Variants in ADAM29 observed in about 807,000 individuals in gnomAD.
ADAM29 encodes the protein disintegrin and metalloproteinase domain-containing protein 29.
For missense variants in ADAM29, 969 were observed against 1,001.8 expected (o/e 0.97, Z 0.44); for synonymous variants, 367 against 342.3 (o/e 1.07, Z -0.80).
chr4:174,930,474 T>A (rs544260979), intron 2 of ADAM29, among the ~76,000 whole-genome samples: 34 of 152,280 alleles, frequency 2.2e-4, no homozygotes, highest in African/African-American at 8.2e-4. Flanking sequence ...AATGGATGAG[T>A]AATAATAATT....
chr4:174,972,679 G>A (rs1213068718), intron 4 of ADAM29, among the ~76,000 whole-genome samples: 1 of 152,126 alleles, frequency 6.6e-6, no homozygotes, highest in Non-Finnish European at 1.5e-5. Context: ...TATCTATGGT[G>A]TCCACCAGCA....
chr4:174,965,662 G>A (rs1432566048), intron 4 of ADAM29, among the ~76,000 whole-genome samples: 1 of 152,066 alleles, frequency 6.6e-6, no homozygotes, highest in African/African-American at 2.4e-5. Context: ...TGTCTGATGA[G>A]AGCCCTCTTT....
At chr4:174,957,773 T>C (rs957420458) in intron 4 of ADAM29, among the ~76,000 whole-genome samples, 3 of 151,836 alleles carry the variant, frequency 2.0e-5, no homozygotes, top group African/African-American at 7.2e-5. Context: ...TGAATCTATC[T>C]TTCTAAAAAT....
intron 4 of ADAM29, among the ~76,000 whole-genome samples, chr4:174,970,595 C>A (rs1158942502): frequency 2.0e-5 from 3 of 152,176 alleles, no homozygotes; most frequent in Non-Finnish European, 2.9e-5. Flanking sequence ...CAATGAAACT[C>A]ATTTTAGCCT....
intron 4 of ADAM29, among the ~76,000 whole-genome samples, chr4:174,970,901 C>T (rs1387033609): frequency 6.6e-6 from 1 of 151,590 alleles, no homozygotes; most frequent in Non-Finnish European, 1.5e-5. Flanking sequence ...TTTTGTTTGT[C>T]TTTATTTTAA....
At position 174,934,278 on chromosome 4, in the gene ADAM29, T is replaced by C. The variant is rs201578070; in HGVS notation, c.-261-2655T>C. On this transcript the variant is annotated intron_variant, in intron 3 of 4. Transcript: ENST00000359240. ...TTTTAAGTATCATTAGTGAACTAATTATGAAGTTTATTACCTTATATTTCT... is the reference window on the plus strand; with the variant it reads ...TTTTAAGTATCATTAGTGAACTAATCATGAAGTTTATTACCTTATATTTCT... 2.2e-4 allele frequency among the ~76,000 whole-genome samples: 34 copies of C among 152,288 alleles called. 1 individual carries two copies. The East Asian group carries it at 6.4e-3, about 29-fold the overall frequency.
At chr4:174,944,662 T>A (rs1744738848) in intron 4 of ADAM29, among the ~76,000 whole-genome samples, 3 of 152,198 alleles carry the variant, frequency 2.0e-5, no homozygotes, top group African/African-American at 7.2e-5. Flanking sequence ...AGGTAGTTTT[T>A]CAATCCTTAT....
chr4:174,969,631 G>C (rs962335252), intron 4 of ADAM29, among the ~76,000 whole-genome samples: 2 of 151,842 alleles, frequency 1.3e-5, no homozygotes, highest in African/African-American at 4.8e-5. Flanking sequence ...ATAAAAGAAT[G>C]CTATACCAAC....
At chr4:174,939,921 T>C (rs1744428948) in intron 4 of ADAM29, among the ~76,000 whole-genome samples, 1 of 152,012 alleles carries the variant, frequency 6.6e-6, no homozygotes, top group African/African-American at 2.4e-5. Flanking sequence ...CTTTCCTTTT[T>C]CTCCCTCTCT....
chr4:174,948,189 C>T (rs750666089), intron 4 of ADAM29, among the ~76,000 whole-genome samples: 1 of 152,272 alleles, frequency 6.6e-6, no homozygotes, highest in Non-Finnish European at 1.5e-5. Context: ...TGGTTAAGAA[C>T]CATTGCTGGG....
Position 174,962,372 on chromosome 4 carries a change from C to T in ADAM29, c.-180-12974C>T, listed in dbSNP as rs549298805. Among the ~76,000 whole-genome samples, 303 of 151,862 alleles carry T rather than the reference C, an allele frequency of 2.0e-3. 2 individuals carry two copies. The highest frequency in any genetic ancestry group is 6.8e-3 in the African/African-American group (282 of 41,420). On this transcript the variant is annotated intron_variant, in intron 4 of 4. Transcript: ENST00000359240. ...TAAAAATACAAAAAAATTAGCTGGG[C>T]GTGGTGGGGGGCGCCTGTAGTCCCA...
chr4:174,961,348 A>C (rs1310934968), intron 4 of ADAM29, among the ~76,000 whole-genome samples: 1 of 151,514 alleles, frequency 6.6e-6, no homozygotes, highest in African/African-American at 2.4e-5. Context: ...ATAATATTAA[A>C]TATGAGAGTT....
rs1743845888 is a variant in ADAM29, at chr4:174,931,152, TC to T, written c.-283del. 6.6e-6 allele frequency: 1 copy of T among 152,154 alleles called. No homozygotes were observed. The highest frequency in any genetic ancestry group is 2.4e-5 in the African/African-American group (1 of 41,410). 9.4% of individuals were successfully genotyped at this position (152,154 alleles called of 1,614,324 possible). On this transcript the variant is annotated 5_prime_UTR_variant, in exon 3 of 5. Coordinates refer to ENST00000359240, the MANE Select transcript of ADAM29 (RefSeq NM_014269.4). ...AGTCCTCTTTGCGTGGAATCAGACC[TC>T]TTTTGCAGTGGAAAGGAGCAGGTAA...
chr4:174,938,490 C>T (rs1450998366), intron 4 of ADAM29, among the ~76,000 whole-genome samples: 1 of 152,084 alleles, frequency 6.6e-6, no homozygotes, highest in East Asian at 1.9e-4. Context: ...GGAGGAAAAA[C>T]TTCTGTATAT....
chr4:174,949,217 G>T (rs546005201), intron 4 of ADAM29, among the ~76,000 whole-genome samples: 2 of 152,232 alleles, frequency 1.3e-5, no homozygotes, highest in African/African-American at 4.8e-5. Flanking sequence ...CCATGGGCGT[G>T]ACTGCTCTGC....
chr4:174,959,671 GT>G, intron 4 of ADAM29, among the ~76,000 whole-genome samples: 1 of 151,564 alleles, frequency 6.6e-6, no homozygotes, highest in East Asian at 1.9e-4. Flanking sequence ...TGAATATTTT[GT>G]TTTTAAAATC....
In ADAM29 at chr4:174,977,695, C is replaced by T. The variant is rs945282633; in HGVS notation, c.2170C>T (p.Arg724Ter). 17 of 1,614,250 alleles carry T rather than the reference C, an allele frequency of 1.1e-5. No homozygotes were observed. The highest frequency in any genetic ancestry group is 1.1e-5 in the South Asian group (1 of 91,088). ...AAAAGAAGAGGAAAAAATTCAGCGT[C>T]GACCTCATGAGTTACCTCCCCAGAG... ...SAKEEEKIQR[R>*]PHELPPQSQP... Residue 724 changes from arginine to a stop codon, truncating the protein, a stop_gained, in exon 5 of 5, where the codon CGA becomes TGA. Transcript: ENST00000359240. LOFTEE classifies it low-confidence loss of function (END_TRUNC).
Position 174,976,065 on chromosome 4 carries a change from T to C in ADAM29, c.540T>C (p.Ile180=). ...EITCRMEFEE[I]DNSTQKQSSY... is the part of the protein sequence containing the mutation. ...CATGCCGAATGGAATTTGAAGAAAT[T>C]GATAATTCCACTCAGAAGCAAAGTT... The change falls in exon 5 of 5, where the codon ATT becomes ATC. Residue 180 remains isoleucine (I), a synonymous_variant. Transcript: ENST00000359240. 1 of 1,610,094 alleles carries C rather than the reference T, an allele frequency of 6.2e-7. No individual in the cohort carries two copies. The highest frequency in any genetic ancestry group is 1.1e-5 in the South Asian group (1 of 90,122).
At position 174,977,105 on chromosome 4, in the gene ADAM29, T is replaced by G; in HGVS notation, c.1580T>G (p.Leu527Ter). 6.2e-7 allele frequency: 1 copy of G among 1,614,072 alleles called. No individual in the cohort carries two copies. The highest frequency in any genetic ancestry group is 8.5e-7 in the Non-Finnish European group (1 of 1,179,956). Residue 527 changes from leucine to a stop codon, truncating the protein, a stop_gained, in exon 5 of 5, where the codon TTA (leucine) becomes TGA (stop). Transcript: ENST00000359240. LOFTEE classifies it low-confidence loss of function (END_TRUNC). The part of the protein sequence containing the change: ...SETCYKELNT[L>*]GDRVGHCGIK... Reference sequence around the variant, plus strand: ...ACTTGCTACAAAGAATTGAACACCTTAGGTGACCGTGTTGGTCACTGTGGT... The same window carrying G: ...ACTTGCTACAAAGAATTGAACACCTGAGGTGACCGTGTTGGTCACTGTGGT...
Sources: allele counts gnomAD v4.1 joint callset (sites outside exome capture counted in the v4.1 genomes callset), GRCh38; gene constraint gnomAD v4.1.1; transcripts MANE v1.5; gene names NCBI Gene and HGNC (gene_info 2026-07-23, HGNC 2026-07-21).